TAFA1: variants seen among roughly 807,000 people sequenced by gnomAD.
TAFA1 encodes the protein TAFA chemokine like family member 1.
Under a neutral mutation model 18.5 loss-of-function variants are expected in TAFA1, and 4 were observed. The ratio of observed to expected loss-of-function variants is 0.22; its 90% CI spans 0.11 to 0.49. The LOEUF (loss-of-function observed/expected upper bound fraction) is 0.49. Ranked by LOEUF, TAFA1 falls within the 20% of genes least tolerant of loss-of-function variation. The pLI, the probability that TAFA1 is intolerant of heterozygous loss-of-function variation, is 0.98. For synonymous variants in TAFA1, 56 were observed against 55.2 expected (o/e 1.01, Z -0.06); for missense variants, 147 against 169.0 (o/e 0.87, Z 0.72).
intron 2 of TAFA1, among the ~76,000 whole-genome samples, chr3:68,073,592 G>A (rs375677999): frequency 1.3e-5 from 2 of 152,236 alleles, no homozygotes; most frequent in African/African-American, 4.8e-5. Flanking sequence ...TGTCTAATAA[G>A]GTTTAGTTGG....
intron 3 of TAFA1, among the ~76,000 whole-genome samples, chr3:68,449,084 T>C (rs1055296120): frequency 1.3e-5 from 2 of 152,132 alleles, no homozygotes; most frequent in African/African-American, 4.8e-5. Context: ...TTCAAGGAGA[T>C]TGGAGTCTAC....
chr3:68,155,269 C>G (rs1465104521), intron 2 of TAFA1, among the ~76,000 whole-genome samples: 1 of 152,186 alleles, frequency 6.6e-6, no homozygotes, highest in Non-Finnish European at 1.5e-5. Context: ...GAAGCTATAA[C>G]TATGACATTC....
chr3:68,343,395 T>A (rs986989852), intron 2 of TAFA1, among the ~76,000 whole-genome samples: 3 of 152,122 alleles, frequency 2.0e-5, no homozygotes, highest in Admixed American at 6.5e-5. Flanking sequence ...TACACTAAAG[T>A]TTGAGACATA....
chr3:68,413,023 T>G (rs894201071), intron 2 of TAFA1, among the ~76,000 whole-genome samples: 1 of 151,962 alleles, frequency 6.6e-6, no homozygotes, highest in Non-Finnish European at 1.5e-5. Flanking sequence ...TTTCTCCACA[T>G]CCTCTCCAGC....
chr3:68,066,059 T>C (rs1309802832), intron 2 of TAFA1, among the ~76,000 whole-genome samples: 1 of 152,050 alleles, frequency 6.6e-6, no homozygotes, highest in Non-Finnish European at 1.5e-5. Context: ...AGCAGATCAG[T>C]AGTTACTTGG....
chr3:68,102,571 G>A (rs1179797923), intron 2 of TAFA1, among the ~76,000 whole-genome samples: 3 of 152,064 alleles, frequency 2.0e-5, no homozygotes, highest in Non-Finnish European at 4.4e-5. Context: ...GGTGAGGCTC[G>A]GATCAGCACT....
At chr3:68,112,666 A>G (rs893619335) in intron 2 of TAFA1, among the ~76,000 whole-genome samples, 9 of 152,200 alleles carry the variant, frequency 5.9e-5, no homozygotes, top group Non-Finnish European at 1.0e-4. Context: ...AGGATTGGCA[A>G]TGAAGAAATA....
chr3:68,115,736 A>G (rs2065317555), intron 2 of TAFA1, among the ~76,000 whole-genome samples: 1 of 152,130 alleles, frequency 6.6e-6, no homozygotes, highest in Non-Finnish European at 1.5e-5. Context: ...CCTACACCTT[A>G]TTGGTTTATT....
chr3:68,399,444 T>C (rs756319226), intron 2 of TAFA1, among the ~76,000 whole-genome samples: 1 of 152,162 alleles, frequency 6.6e-6, no homozygotes, highest in African/African-American at 2.4e-5. Context: ...AATTGACTGT[T>C]TAACTATCAA....
intron 2 of TAFA1, among the ~76,000 whole-genome samples, chr3:68,157,810 A>G (rs549720097): frequency 6.6e-6 from 1 of 152,346 alleles, no homozygotes; most frequent in African/African-American, 2.4e-5. Context: ...AGGTGGATAG[A>G]CAGATATCAC....
intron 2 of TAFA1, among the ~76,000 whole-genome samples, chr3:68,318,244 A>G (rs1015468034): frequency 6.6e-6 from 1 of 152,130 alleles, no homozygotes; most frequent in African/African-American, 2.4e-5. Flanking sequence ...TAATGGTGAC[A>G]CACCTCGGCT....
chr3:68,520,482 G>A (rs963164165), intron 3 of TAFA1, among the ~76,000 whole-genome samples: 10 of 152,136 alleles, frequency 6.6e-5, no homozygotes, highest in Admixed American at 3.3e-4. Flanking sequence ...AAATGCTCTC[G>A]TCTTCTTGCA....
At chr3:68,093,274 A>G (rs1026377572) in intron 2 of TAFA1, among the ~76,000 whole-genome samples, 1 of 151,988 alleles carries the variant, frequency 6.6e-6, no homozygotes, top group African/African-American at 2.4e-5. Context: ...CAGCTGATGA[A>G]TGTGTTCTTC....
At chr3:68,314,209 A>G (rs1469414899) in intron 2 of TAFA1, among the ~76,000 whole-genome samples, 1 of 152,174 alleles carries the variant, frequency 6.6e-6, no homozygotes, top group Non-Finnish European at 1.5e-5. Context: ...ACCTGGTCCA[A>G]TTAGGTAGCG....
At chr3:68,072,881 A>C (rs2064774346) in intron 2 of TAFA1, among the ~76,000 whole-genome samples, 1 of 152,198 alleles carries the variant, frequency 6.6e-6, no homozygotes, top group Non-Finnish European at 1.5e-5. Context: ...GTAAACTGAA[A>C]AGAACACTAC....
At chr3:68,276,162 A>T (rs1418587397) in intron 2 of TAFA1, among the ~76,000 whole-genome samples, 1 of 152,112 alleles carries the variant, frequency 6.6e-6, no homozygotes, top group Non-Finnish European at 1.5e-5. Flanking sequence ...CCAACTAAAA[A>T]AAAAAACCCA....
chr3:68,033,537 T>C (rs187884473), intron 2 of TAFA1, among the ~76,000 whole-genome samples: 55 of 152,316 alleles, frequency 3.6e-4, no homozygotes, highest in Admixed American at 3.5e-3. Context: ...ACATTCTCCA[T>C]CCAATTTCAA....
intron 2 of TAFA1, among the ~76,000 whole-genome samples, chr3:68,340,406 A>G (rs1057346686): frequency 6.6e-6 from 1 of 152,238 alleles, no homozygotes. Flanking sequence ...TCATATGTCA[A>G]TATGTCATGT....
chr3:68,256,557 T>G (rs1172440546), intron 2 of TAFA1, among the ~76,000 whole-genome samples: 3 of 152,126 alleles, frequency 2.0e-5, no homozygotes, highest in African/African-American at 7.2e-5. Context: ...GAGAGAAAGG[T>G]GTCATTGAAA....
Sources: gnomAD v4.1 joint callset for allele counts (sites outside exome capture counted in the v4.1 genomes callset) on GRCh38, gnomAD v4.1.1 for gene constraint, MANE v1.5 for transcripts, NCBI Gene and HGNC (gene_info 2026-07-23, HGNC 2026-07-21) for gene names.